CLCA2: variants seen among roughly 807,000 people sequenced by gnomAD.
CLCA2 encodes the protein calcium-activated chloride channel regulator 2.
In CLCA2, 85 loss-of-function variants were observed where a neutral mutation model predicts 82.9. The ratio of observed to expected loss-of-function variants is 1.03; its 90% confidence interval spans 0.86 to 1.23. The LOEUF (loss-of-function observed/expected upper bound fraction) is 1.23, where lower values mean the gene tolerates loss of function less well. Ranked by LOEUF, CLCA2 falls within the 50% of genes most tolerant of loss-of-function variation. CLCA2 has a pLI of 0.00. For missense variants in CLCA2, 1,089 were observed against 1,124.8 expected (o/e 0.97, Z 0.45); for synonymous variants, 421 against 391.7 (o/e 1.07, Z -0.88).
At chr1:86,448,022 C>T (rs1662891009) in intron 11 of CLCA2, 1 of 512,758 alleles carries the variant, frequency 2.0e-6, no homozygotes, top group African/African-American at 1.9e-5. Context: ...GAGGCAGCCG[C>T]TGGACACCTT....
rs756929645 is a variant in CLCA2, at chr1:86,424,208, A to G, written c.-40A>G. ...ATTGAAAACCTGACACAATGTATGC[A>G]GCAGGCTCAGTGTGAGTGAACTGGA... On this transcript the variant is annotated 5_prime_UTR_variant, in exon 1 of 14. Transcript: ENST00000370565. The G allele has an allele frequency of 6.4e-7, 1 of 1,572,786 alleles. No individual in the cohort carries two copies. The highest frequency in any genetic ancestry group is 1.2e-5 in the South Asian group (1 of 84,242).
At position 86,447,558 on chromosome 1, in the gene CLCA2, C is replaced by T. The variant is rs151046448; in HGVS notation, c.1764C>T (p.Ala588=). 406 of 1,614,048 alleles carry T rather than the reference C, an allele frequency of 2.5e-4. No homozygotes were observed. In the African/African-American group the frequency reaches 3.0e-3, roughly 12 times the overall value. The part of the protein sequence containing the change: ...TLNNTHHSLQ[A]LKVTVTSRAS... The stretch of plus-strand genomic sequence containing the variant: ...ACAATACCCATCATTCTCTGCAAGC[C>T]CTGAAAGTGACAGTGACCTCTCGCG... Residue 588 remains alanine, a synonymous_variant, in exon 11 of 14, where the codon GCC becomes GCT. Coordinates refer to ENST00000370565, the MANE Select transcript of CLCA2 (RefSeq NM_006536.7).
At chr1:86,428,642 A>G in intron 3 of CLCA2, 74 bp downstream of exon 3, 1 of 1,515,396 alleles carries the variant, frequency 6.6e-7, no homozygotes, top group Non-Finnish European at 8.9e-7. Context: ...GCTGAAAGGG[A>G]CTCACTCACA....
intron 2 of CLCA2, among the ~76,000 whole-genome samples, chr1:86,426,932 G>T (rs576271202): frequency 6.6e-6 from 1 of 152,294 alleles, no homozygotes; most frequent in Admixed American, 6.5e-5. Context: ...TAAAGCAAAA[G>T]TGAAAATATG....
chr1:86,447,881 AT>A (rs34112927), intron 11 of CLCA2, 103 bp downstream of exon 11: 620 of 1,158,754 alleles, frequency 5.4e-4, no homozygotes, highest in African/African-American at 2.3e-3. Flanking sequence ...CTTGAGTTCA[AT>A]TTTTTTTTAA....
At chr1:86,432,605 T>G in intron 5 of CLCA2, 77 bp downstream of exon 5, 2 of 1,498,726 alleles carry the variant, frequency 1.3e-6, no homozygotes, top group Non-Finnish European at 1.8e-6. Flanking sequence ...AATTATAAGA[T>G]AATTAAGATG....
rs1662396019 is a variant in CLCA2 at position 86,426,922 on chromosome 1, T to C, written c.324+1446T>C. ...TCCTAATGGAGGGGAGAGAAATAAG[T>C]AAAGCAAAAGTGAAAATATGAGTGA... On this transcript the variant is annotated intron_variant, in intron 2 of 13. Transcript: ENST00000370565. Among the ~76,000 whole-genome samples, 3 of 152,114 alleles carry C rather than the reference T, an allele frequency of 2.0e-5. No homozygotes were observed. The South Asian group carries it at 6.2e-4, about 32-fold the overall frequency.
chr1:86,434,890 G>GGTGCAGCAAC, intron 6 of CLCA2, 145 bp downstream of exon 6: 2 of 676,410 alleles, frequency 3.0e-6, no homozygotes, highest in Non-Finnish European at 2.5e-6. Context: ...AGTGGTTGCT[G>GGTGCAGCAAC]CACCTATCAA....
chr1:86,436,121 A>G (rs1438912308), intron 6 of CLCA2, among the ~76,000 whole-genome samples: 2 of 152,216 alleles, frequency 1.3e-5, no homozygotes, highest in African/African-American at 2.4e-5. Flanking sequence ...AGCAAAGCCT[A>G]AAATATTTAC....
At chr1:86,427,303 G>A (rs1038625943) in intron 2 of CLCA2, among the ~76,000 whole-genome samples, 6 of 152,092 alleles carry the variant, frequency 3.9e-5, no homozygotes, top group Non-Finnish European at 8.8e-5. Context: ...ATAGGAATGA[G>A]GTTTTACCCA....
chr1:86,447,548 C>A lies in CLCA2; in HGVS notation c.1754C>A (p.Ser585Tyr), dbSNP rs1662877102. The change falls in exon 11 of 14, where the codon TCT (serine) becomes TAT (tyrosine). Residue 585 changes from serine to tyrosine, a missense_variant. Ser to Tyr is a moderately radical substitution (Grantham distance 144). Transcript: ENST00000370565. ...WTYTLNNTHH[S>Y]LQALKVTVTS... is the part of the protein sequence containing the mutation. ...TACACCCTGAACAATACCCATCATT[C>A]TCTGCAAGCCCTGAAAGTGACAGTG... 6.2e-7 allele frequency: 1 copy of A among 1,613,982 alleles called. No individual in the cohort carries two copies. The highest frequency in any genetic ancestry group is 1.1e-5 in the South Asian group (1 of 91,078).
intron 6 of CLCA2, among the ~76,000 whole-genome samples, chr1:86,435,898 C>T (rs1007969726): frequency 1.5e-4 from 22 of 147,586 alleles, no homozygotes; most frequent in African/African-American, 5.3e-4. Flanking sequence ...TTGCATGGCT[C>T]ACAAAATAAG....
At chr1:86,443,665 C>A (rs575599053) in intron 9 of CLCA2, 122 bp from the exon 10 acceptor site, 1 of 722,864 alleles carries the variant, frequency 1.4e-6, no homozygotes, top group Non-Finnish European at 2.2e-6. Flanking sequence ...TGTATAACTA[C>A]AGTACCTGTC....
rs529610289 is a variant in CLCA2 at position 86,440,046 on chromosome 1, G to C, written c.1204-102G>C. 1,400 of 1,132,200 alleles carry C rather than the reference G, an allele frequency of 1.2e-3. 27 individuals are homozygous for C. The South Asian group carries it at 0.017, about 14-fold the overall frequency. The allele number at this position is 1,132,200 out of a possible 1,614,324, so 70.1% of individuals were successfully genotyped here. ...AAACTTGAGTGGAGATGGGCGTGGGGTGTAGGAGCTACAGTGGGAATTTGG... is the reference window on the plus strand; with the variant it reads ...AAACTTGAGTGGAGATGGGCGTGGGCTGTAGGAGCTACAGTGGGAATTTGG... On this transcript the variant is annotated intron_variant, in intron 7 of 13. Coordinates refer to ENST00000370565, the MANE Select transcript of CLCA2 (RefSeq NM_006536.7).
chr1:86,445,031 G>A (rs1407132384), intron 10 of CLCA2, among the ~76,000 whole-genome samples: 2 of 152,088 alleles, frequency 1.3e-5, no homozygotes, highest in Non-Finnish European at 2.9e-5. Context: ...CGAGTAGCTG[G>A]GACTACAGGC....
chr1:86,455,667 A>T lies in CLCA2; in HGVS notation c.*140A>T. The T allele has an allele frequency of 2.2e-6, 1 of 465,064 alleles. No homozygotes were observed. The highest frequency in any genetic ancestry group is 3.5e-6 in the Non-Finnish European group (1 of 285,528). 28.8% of individuals were successfully genotyped at this position (465,064 alleles called of 1,614,324 possible). ...TGTACAATACAGATAAGATTTTTAC[A>T]TGGTAGATCAACAAATTCTTTTTGG... is the stretch of plus-strand genomic sequence containing the variant. On this transcript the variant is annotated 3_prime_UTR_variant, in exon 14 of 14. Transcript: ENST00000370565.
intron 10 of CLCA2, 73 bp from the exon 11 acceptor site, chr1:86,447,435 T>C (rs1662874120): frequency 1.3e-6 from 2 of 1,496,554 alleles, no homozygotes; most frequent in African/African-American, 1.4e-5. Context: ...TCTCCAGAAG[T>C]TTTGATGTAT....
intron 4 of CLCA2, 131 bp from the exon 5 acceptor site, chr1:86,432,238 T>C: frequency 2.0e-6 from 2 of 1,012,522 alleles, no homozygotes; most frequent in Non-Finnish European, 2.9e-6. Context: ...ACCCCGCCAG[T>C]AGAGCAGTTT....
rs757494153 is a variant in CLCA2, at chr1:86,447,752, C to T, written c.1958C>T (p.Thr653Met). 421 of 1,613,266 alleles carry T rather than the reference C, an allele frequency of 2.6e-4. No homozygotes were observed. Among genetic ancestry groups the T allele is most frequent in the Non-Finnish European group, 3.2e-4 (383 of 1,179,982 alleles). ...TVEPETGDPV[T>M]LRLLDDGAGA... ...GAGCCAGAGACTGGAGATCCTGTTA[C>T]GCTGAGACTCCTTGATGATGGAGCA... Residue 653 changes from threonine (T) to methionine (M), a missense_variant, in exon 11 of 14, where the codon ACG becomes ATG. Physicochemically the swap from Thr to Met is moderately conservative, Grantham distance 81. Coordinates refer to ENST00000370565, the MANE Select transcript of CLCA2 (RefSeq NM_006536.7).
Sources: allele counts gnomAD v4.1 joint callset (sites outside exome capture counted in the v4.1 genomes callset), GRCh38; gene constraint gnomAD v4.1.1; transcripts MANE v1.5; gene names NCBI Gene and HGNC (gene_info 2026-07-23, HGNC 2026-07-21).